MAGI3: variants seen among roughly 807,000 people sequenced by gnomAD.
The protein encoded by MAGI3 is membrane associated guanylate kinase, WW and PDZ domain containing 3.
MAGI3 carries 43 observed loss-of-function variants against 121.8 expected under a neutral mutation model. The ratio of observed to expected loss-of-function variants is 0.35; its 90% CI spans 0.28 to 0.46. MAGI3 has a LOEUF of 0.46. Ranked by LOEUF, MAGI3 falls within the 20% of genes least tolerant of loss-of-function variation. MAGI3 has a pLI of 1.00. For missense variants in MAGI3, 1,547 were observed against 1,797.3 expected (o/e 0.86, Z 2.52); for synonymous variants, 553 against 639.3 (o/e 0.86, Z 2.04).
intron 1 of MAGI3, among the ~76,000 whole-genome samples, chr1:113,459,875 A>G (rs939536383): frequency 4.6e-5 from 7 of 152,176 alleles, no homozygotes; most frequent in Non-Finnish European, 1.0e-4. Context: ...TACAGAAACT[A>G]TTCCAAAAAA....
At chr1:113,599,490 C>G (rs900985206) in intron 6 of MAGI3, among the ~76,000 whole-genome samples, 1 of 152,054 alleles carries the variant, frequency 6.6e-6, no homozygotes, top group African/African-American at 2.4e-5. Flanking sequence ...ATAAATTCCT[C>G]GACACATACA....
intron 1 of MAGI3, among the ~76,000 whole-genome samples, chr1:113,544,747 G>C (rs758769456): frequency 2.6e-5 from 4 of 152,208 alleles, no homozygotes; most frequent in Non-Finnish European, 5.9e-5. Flanking sequence ...CAACAAGAGG[G>C]AAGAGATAGC....
At chr1:113,606,800 A>G (rs1188138372) in intron 6 of MAGI3, among the ~76,000 whole-genome samples, 2 of 152,180 alleles carry the variant, frequency 1.3e-5, no homozygotes, top group Admixed American at 6.5e-5. Context: ...TTCTTGCTCT[A>G]CTTCCTGATT....
intron 1 of MAGI3, among the ~76,000 whole-genome samples, chr1:113,405,304 A>G (rs570225104): frequency 6.6e-6 from 1 of 151,882 alleles, no homozygotes; most frequent in African/African-American, 2.4e-5. Flanking sequence ...GCGGAACCCC[A>G]TCTCTACAAA....
intron 1 of MAGI3, among the ~76,000 whole-genome samples, chr1:113,432,647 T>C (rs779288734): frequency 6.6e-6 from 1 of 152,054 alleles, no homozygotes; most frequent in South Asian, 2.1e-4. Context: ...GTTTCTTTTT[T>C]TAAAGGAAGG....
intron 6 of MAGI3, among the ~76,000 whole-genome samples, chr1:113,605,631 G>A (rs1649713255): frequency 6.6e-6 from 1 of 151,844 alleles, no homozygotes; most frequent in Non-Finnish European, 1.5e-5. Flanking sequence ...ACGGAGTCAT[G>A]CTCTGTCGAA....
intron 1 of MAGI3, among the ~76,000 whole-genome samples, chr1:113,536,173 TAGAC>T (rs1293984026): frequency 6.8e-6 from 1 of 146,272 alleles, no homozygotes; most frequent in Non-Finnish European, 1.5e-5. Context: ...AAAATTTGAT[TAGAC>T]AGTATGAATC....
intron 1 of MAGI3, among the ~76,000 whole-genome samples, chr1:113,523,469 A>C (rs887010802): frequency 1.3e-5 from 2 of 152,190 alleles, no homozygotes; most frequent in African/African-American, 4.8e-5. Flanking sequence ...TGGACACTGA[A>C]ATATAGGCTG....
At chr1:113,573,004 C>G (rs1647397933) in intron 2 of MAGI3, among the ~76,000 whole-genome samples, 1 of 152,006 alleles carries the variant, frequency 6.6e-6, no homozygotes, top group Non-Finnish European at 1.5e-5. Context: ...CGGCTCACTG[C>G]AAGCTCCGCC....
At chr1:113,511,562 G>A (rs568321594) in intron 1 of MAGI3, among the ~76,000 whole-genome samples, 1 of 152,186 alleles carries the variant, frequency 6.6e-6, no homozygotes, top group South Asian at 2.1e-4. Flanking sequence ...AAAGTTCCTA[G>A]CACTTCTGTG....
intron 5 of MAGI3, among the ~76,000 whole-genome samples, chr1:113,593,367 CCT>C (rs1003806892): frequency 6.6e-6 from 1 of 152,018 alleles, no homozygotes; most frequent in African/African-American, 2.4e-5. Flanking sequence ...CATAGCCAGG[CCT>C]CTCTCTGCAA....
intron 1 of MAGI3, among the ~76,000 whole-genome samples, chr1:113,395,204 G>C (rs1195061263): frequency 1.4e-5 from 2 of 138,210 alleles, no homozygotes; most frequent in African/African-American, 2.7e-5. Context: ...AGAGTTAATT[G>C]TTAGCCTCCC....
At chr1:113,514,657 G>C (rs928634452) in intron 1 of MAGI3, among the ~76,000 whole-genome samples, 1 of 152,098 alleles carries the variant, frequency 6.6e-6, no homozygotes, top group East Asian at 1.9e-4. Flanking sequence ...GATAGCTTTA[G>C]GAGATACACC....
At chr1:113,536,505 G>A (rs1255536722) in intron 1 of MAGI3, among the ~76,000 whole-genome samples, 1 of 152,108 alleles carries the variant, frequency 6.6e-6, no homozygotes, top group East Asian at 1.9e-4. Flanking sequence ...CCTAAGCATG[G>A]ACTGAATTGC....
chr1:113,490,671 A>G (rs997175093), intron 1 of MAGI3, among the ~76,000 whole-genome samples: 3 of 152,222 alleles, frequency 2.0e-5, no homozygotes, highest in African/African-American at 7.2e-5. Flanking sequence ...AAATAAAGGG[A>G]TGGAGAAAAA....
rs533793432 is a variant in MAGI3, at chr1:113,447,789, C to T, written c.316+56440C>T. Among the ~76,000 whole-genome samples the T allele has an allele frequency of 5.3e-5, 8 of 151,798 alleles. No individual in the cohort carries two copies. The South Asian group carries it at 1.7e-3, about 32-fold the overall frequency. On this transcript the variant is annotated intron_variant, in intron 1 of 20. Coordinates refer to ENST00000307546, the MANE Select transcript of MAGI3 (RefSeq NM_001142782.2). The stretch of plus-strand genomic sequence containing the variant: ...AAATTGCTTGAATCTGGGAGGCGGA[C>T]GTTGCAGTAGAGCCGAGATCACGCC...
intron 1 of MAGI3, among the ~76,000 whole-genome samples, chr1:113,486,725 C>T (rs1015031826): frequency 1.7e-4 from 26 of 148,636 alleles, no homozygotes; most frequent in African/African-American, 6.2e-4. Flanking sequence ...GATCATAGCT[C>T]ACTATAAACC....
At chr1:113,425,130 GC>G (rs1652932466) in intron 1 of MAGI3, among the ~76,000 whole-genome samples, 1 of 151,948 alleles carries the variant, frequency 6.6e-6, no homozygotes, top group South Asian at 2.1e-4. Context: ...TTGCACTCCA[GC>G]CTGGGCAACA....
rs369138623 is a variant in MAGI3 at position 113,391,058 on chromosome 1, A to C, written c.25A>C (p.Lys9Gln). 55 of 1,591,112 alleles carry C rather than the reference A, an allele frequency of 3.5e-5. No individual in the cohort carries two copies. The highest frequency in any genetic ancestry group is 6.8e-5 in the African/African-American group (5 of 74,060). Residue 9 changes from lysine (K) to glutamine (Q), a missense_variant, in exon 1 of 21, where the codon AAG becomes CAG. Transcript: ENST00000307546. This position sits in a 1 kb window ranked among gnomAD's most constrained non-coding sequence, Gnocchi z 4.4. ...GATGTCGAAGACGCTGAAGAAGAAG[A>C]AGCACTGGCTCAGCAAGGTGCAGGA... MSKTLKKK[K>Q]HWLSKVQECA... is the part of the protein sequence containing the mutation.
Sources: allele counts gnomAD v4.1 joint callset (sites outside exome capture counted in the v4.1 genomes callset), GRCh38; gene constraint gnomAD v4.1.1; non-coding constraint Gnocchi (gnomAD v3.1); transcripts MANE v1.5; gene names NCBI Gene and HGNC (gene_info 2026-07-23, HGNC 2026-07-21).